TPH1: variants seen among roughly 807,000 people sequenced by gnomAD.
TPH1 encodes the protein tryptophan 5-hydroxylase 1.
TPH1 carries 37 observed loss-of-function variants against 49.5 expected under a neutral mutation model. The ratio of observed to expected loss-of-function variants is 0.75; its 90% CI spans 0.58 to 0.98. The LOEUF is 0.98. Among genes scored for constraint, TPH1 ranks in the 50% least tolerant of loss-of-function variants. The pLI is 0.00. For missense variants in TPH1, 487 were observed against 523.6 expected (o/e 0.93, Z 0.68); for synonymous variants, 160 against 182.1 (o/e 0.88, Z 0.98).
intron 4 of TPH1, among the ~76,000 whole-genome samples, chr11:18,030,635 G>A (rs1051366191): frequency 3.3e-5 from 5 of 152,098 alleles, no homozygotes; most frequent in Admixed American, 3.3e-4. Context: ...ACCTGTTATT[G>A]TAAAATGATA....
chr11:18,046,061 C>T (rs538929590), intron 1 of TPH1, among the ~76,000 whole-genome samples, 180 bp downstream of exon 1: 10 of 152,178 alleles, frequency 6.6e-5, no homozygotes, highest in Non-Finnish European at 1.3e-4. Flanking sequence ...CCCCAAACAG[C>T]GTGGGAGGAA....
chr11:18,040,466 G>C (rs1399683381), intron 2 of TPH1, among the ~76,000 whole-genome samples, 180 bp downstream of exon 2: 1 of 151,342 alleles, frequency 6.6e-6, no homozygotes, highest in Admixed American at 6.6e-5. Context: ...CTCCCGGACT[G>C]AAGCAATCCT....
At chr11:18,043,707 A>T (rs1357580523) in intron 1 of TPH1, among the ~76,000 whole-genome samples, 1 of 152,244 alleles carries the variant, frequency 6.6e-6, no homozygotes, top group East Asian at 1.9e-4. Context: ...AACAAAAAAA[A>T]TTGTTTAAGT....
intron 6 of TPH1, among the ~76,000 whole-genome samples, chr11:18,027,454 G>A (rs1271613599): frequency 6.6e-6 from 1 of 152,210 alleles, no homozygotes; most frequent in African/African-American, 2.4e-5. Flanking sequence ...TAGTGTGACT[G>A]AGGAACCAAA....
At position 18,026,565 on chromosome 11, in the gene TPH1, G is replaced by A; in HGVS notation, c.728C>T (p.Ser243Leu). 1.2e-6 allele frequency: 2 copies of A among 1,614,032 alleles called. No homozygotes were observed. The highest frequency in any genetic ancestry group is 2.2e-5 in the East Asian group (1 of 44,868). Residue 243 changes from serine to leucine, a missense_variant, in exon 7 of 11, where the codon TCA becomes TTA. Coordinates refer to ENST00000682019, the MANE Select transcript of TPH1 (RefSeq NM_004179.3). ...AGYLSPRDFL[S>L]GLAFRVFHCT... is the part of the protein sequence containing the mutation. ...GTGAAAAACTCGAAAGGCTAAACCT[G>A]ATAAGAAATCTCTTGGTGATAAGTA... is the stretch of plus-strand genomic sequence containing the variant.
At position 18,022,798 on chromosome 11, in the gene TPH1, C is replaced by T. The variant is rs1854377717; in HGVS notation, c.1160G>A (p.Arg387Lys). 1.2e-6 allele frequency: 2 copies of T among 1,612,844 alleles called. No individual in the cohort carries two copies. Among genetic ancestry groups the T allele is most frequent in the African/African-American group, 2.7e-5 (2 of 74,990 alleles). ...ESFEDAKEKM[R>K]EFTKTIKRPF... ...AAGGCGTGAAGAAGATATACTGTAC[C>T]TCATCTTCTCCTTTGCATCTTCAAA... Residue 387 changes from arginine to lysine, a missense_variant and splice_region_variant, in exon 10 of 11, where the codon AGA (arginine) becomes AAA (lysine). By Grantham distance (26) the Arg-to-Lys change is conservative (BLOSUM62 2). Transcript: ENST00000682019.
chr11:18,021,402 G>A (rs1854360732), intron 10 of TPH1, among the ~76,000 whole-genome samples: 1 of 152,176 alleles, frequency 6.6e-6, no homozygotes, highest in Non-Finnish European at 1.5e-5. Flanking sequence ...TTATAAAGTA[G>A]TTGTAAATCC....
In TPH1 at chr11:18,019,688, A is replaced by G. The variant is rs145642716; in HGVS notation, c.*1303T>C. 107 of 463,928 alleles carry G rather than the reference A, an allele frequency of 2.3e-4. 1 individual carries two copies. The East Asian group carries it at 6.3e-3, about 27-fold the overall frequency. 28.7% of individuals were successfully genotyped at this position (463,928 alleles called of 1,614,324 possible). ...GACATTCCCCATGAAGAGATGGCAAAAAGAGTAGAAGTGCAAAGACAGAAA... is the reference window on the plus strand; with the variant it reads ...GACATTCCCCATGAAGAGATGGCAAGAAGAGTAGAAGTGCAAAGACAGAAA... On this transcript the variant is annotated 3_prime_UTR_variant, in exon 11 of 11. Transcript: ENST00000682019.
At chr11:18,021,203 G>A in intron 10 of TPH1, 38 bp from the exon 11 acceptor site, 1 of 1,587,076 alleles carries the variant, frequency 6.3e-7, no homozygotes, top group East Asian at 2.2e-5. Flanking sequence ...TCAATTTCTA[G>A]GGAGTGAATG....
intron 8 of TPH1, 72 bp downstream of exon 8, chr11:18,025,503 T>C (rs1163981302): frequency 1.3e-5 from 21 of 1,602,760 alleles, no homozygotes; most frequent in African/African-American, 4.0e-5. Flanking sequence ...ATTCTGAATA[T>C]GTACTTTTAA....
intron 2 of TPH1, among the ~76,000 whole-genome samples, chr11:18,040,371 A>T (rs1455525031): frequency 6.8e-6 from 1 of 147,494 alleles, no homozygotes; most frequent in Non-Finnish European, 1.5e-5. Flanking sequence ...ATAAATATAG[A>T]TATATATATA....
chr11:18,034,150 T>A (rs1406162930), intron 3 of TPH1, among the ~76,000 whole-genome samples: 1 of 152,224 alleles, frequency 6.6e-6, no homozygotes, highest in Non-Finnish European at 1.5e-5. Context: ...GACTATATCT[T>A]TTTGTATCCC....
In TPH1 at chr11:18,019,956, A is replaced by T. The variant is rs1398896256; in HGVS notation, c.*1035T>A. 2.9e-6 allele frequency: 1 copy of T among 345,504 alleles called. No homozygotes were observed. The highest frequency in any genetic ancestry group is 2.2e-5 in the African/African-American group (1 of 46,272). The allele number at this position is 345,504 out of a possible 1,614,324, so 21.4% of individuals were successfully genotyped here. A position where few individuals can be genotyped will look rare whatever the true frequency, so the allele number is the denominator to read the frequency against. On this transcript the variant is annotated 3_prime_UTR_variant, in exon 11 of 11. Coordinates refer to ENST00000682019, the MANE Select transcript of TPH1 (RefSeq NM_004179.3). ...TTTCCTCCCCTTTTCTGCAGCCTCT[A>T]CTCTCATTGCATACCTTTCTGTTTA...
Position 18,037,070 on chromosome 11 carries a change from T to C in TPH1, c.118-928A>G, listed in dbSNP as rs1848054033. 2.0e-5 allele frequency among the ~76,000 whole-genome samples: 3 copies of C among 151,998 alleles called. No homozygotes were observed. The South Asian group carries it at 6.2e-4, about 32-fold the overall frequency. On this transcript the variant is annotated intron_variant, in intron 2 of 10. Transcript: ENST00000682019. ...ACTTAAATGAATCTTAAAGAATAGA[T>C]AGAATAGGCCAGGCGTGGTGGCTCA...
chr11:18,033,070 T>C (rs1048509168), intron 4 of TPH1, among the ~76,000 whole-genome samples: 4 of 152,104 alleles, frequency 2.6e-5, no homozygotes, highest in Non-Finnish European at 5.9e-5. Context: ...CTGGCCAACA[T>C]GGTGAAACCC....
intron 2 of TPH1, among the ~76,000 whole-genome samples, chr11:18,037,857 CA>C (rs1848060969): frequency 6.6e-6 from 1 of 152,224 alleles, no homozygotes; most frequent in South Asian, 2.1e-4. Context: ...CAGAAGCACA[CA>C]GGTGACAAGT....
At chr11:18,028,559 C>T (rs1847952231) in intron 6 of TPH1, among the ~76,000 whole-genome samples, 1 of 152,126 alleles carries the variant, frequency 6.6e-6, no homozygotes, top group Non-Finnish European at 1.5e-5. Context: ...TATAACAGCC[C>T]CTAAATCTCT....
rs550198165 is a variant in TPH1 at position 18,038,979 on chromosome 11, A to G, written c.117+1667T>C. ...AGTAAATGAATATAGTGTGAAGTTGATAACTTGAAAAGACATATAAGAGCA... is the reference window on the plus strand; with the variant it reads ...AGTAAATGAATATAGTGTGAAGTTGGTAACTTGAAAAGACATATAAGAGCA... On this transcript the variant is annotated intron_variant, in intron 2 of 10. Transcript: ENST00000682019. 2.6e-5 allele frequency among the ~76,000 whole-genome samples: 4 copies of G among 152,278 alleles called. No homozygotes were observed. The East Asian group carries it at 7.7e-4, about 29-fold the overall frequency.
At chr11:18,031,552 G>T (rs1252102977) in intron 4 of TPH1, among the ~76,000 whole-genome samples, 1 of 152,144 alleles carries the variant, frequency 6.6e-6, no homozygotes, top group Non-Finnish European at 1.5e-5. Context: ...TTCTAATGAG[G>T]ATAAGGAGGA....
Sources: gnomAD v4.1 joint callset for allele counts (sites outside exome capture counted in the v4.1 genomes callset) on GRCh38, gnomAD v4.1.1 for gene constraint, MANE v1.5 for transcripts, NCBI Gene and HGNC (gene_info 2026-07-23, HGNC 2026-07-21) for gene names.